Variants in MFN1 observed in about 807,000 individuals in gnomAD.
The protein encoded by MFN1 is mitofusin 1.
In MFN1, 65 loss-of-function variants were observed where a neutral mutation model predicts 92.4. The ratio of observed to expected loss-of-function variants is 0.70; its 90% CI spans 0.58 to 0.86. MFN1 has a LOEUF of 0.86. MFN1 is among the 40% of genes least tolerant of loss of function. The pLI, the probability that MFN1 is intolerant of heterozygous loss-of-function variation, is 0.00. For missense variants in MFN1, 781 were observed against 868.0 expected, an observed-to-expected ratio of 0.90 and a Z score of 1.26; for synonymous variants, 297 against 300.9, an observed-to-expected ratio of 0.99 and a Z score of 0.13.
chr3:179,374,923 AT>A (rs1371117281), intron 9 of MFN1, among the ~76,000 whole-genome samples: 1 of 152,192 alleles, frequency 6.6e-6, no homozygotes, highest in Non-Finnish European at 1.5e-5. Context: ...TAATGAGGAA[AT>A]TTTTTAACAT....
At chr3:179,369,162 GT>G (rs1040810023) in intron 9 of MFN1, among the ~76,000 whole-genome samples, 1 of 151,792 alleles carries the variant, frequency 6.6e-6, no homozygotes. Context: ...ACTATTGTTT[GT>G]TTTTTTTCTT....
intron 3 of MFN1, among the ~76,000 whole-genome samples, chr3:179,357,209 G>A (rs1712379073): frequency 6.6e-6 from 1 of 152,094 alleles, no homozygotes; most frequent in South Asian, 2.1e-4. Context: ...AAAGAATGGG[G>A]GTGCAAATGG....
chr3:179,375,604 T>C (rs1713209525), intron 10 of MFN1, among the ~76,000 whole-genome samples: 1 of 152,258 alleles, frequency 6.6e-6, no homozygotes, highest in African/African-American at 2.4e-5. Context: ...TTTGTGGCTT[T>C]AAAATATCTT....
chr3:179,364,983 C>T (rs750099480), intron 6 of MFN1, 135 bp from the exon 7 acceptor site: 4 of 461,628 alleles, frequency 8.7e-6, no homozygotes, highest in Admixed American at 4.1e-5. Context: ...GTTTAATGCT[C>T]ATAGAGTGCT....
chr3:179,348,249 T>G (rs533883419), intron 1 of MFN1: 1 of 152,342 alleles, frequency 6.6e-6, no homozygotes, highest in African/African-American at 2.4e-5. Context: ...TTCCTTTCCA[T>G]GTACACACCA....
intron 2 of MFN1, among the ~76,000 whole-genome samples, chr3:179,350,077 T>C (rs1214536376): frequency 2.0e-5 from 3 of 151,614 alleles, no homozygotes; most frequent in Admixed American, 1.3e-4. Context: ...CGCTTGAACC[T>C]GGGAGGCAGA....
chr3:179,388,697 A>C (rs185017454), intron 16 of MFN1, among the ~76,000 whole-genome samples: 1 of 152,374 alleles, frequency 6.6e-6, no homozygotes, highest in East Asian at 1.9e-4. Context: ...CATGAAGGAT[A>C]GTAGATCAAT....
chr3:179,358,154 T>TG lies in MFN1; in HGVS notation c.249-686_249-685insG, dbSNP rs892432936. On this transcript the variant is annotated intron_variant, in intron 3 of 17. Transcript: ENST00000471841. ...TCACCCAGTGTCACTCATTTTGTTTTTTTTTTTTTTTTTTGAGACTCAGTC... is the reference window on the plus strand; with the variant it reads ...TCACCCAGTGTCACTCATTTTGTTTTGTTTTTTTTTTTTTTGAGACTCAGTC... Among the ~76,000 whole-genome samples, 20 of 145,364 alleles carry TG rather than the reference T, an allele frequency of 1.4e-4. No homozygotes were observed. The East Asian group carries it at 1.6e-3, about 11-fold the overall frequency.
chr3:179,365,964 G>T (rs1038032229), intron 7 of MFN1, among the ~76,000 whole-genome samples: 3 of 152,178 alleles, frequency 2.0e-5, no homozygotes, highest in Non-Finnish European at 4.4e-5. Context: ...GAATGCTACT[G>T]TGCATATGCT....
chr3:179,361,739 G>A (rs1049375598), intron 4 of MFN1, among the ~76,000 whole-genome samples: 1 of 152,042 alleles, frequency 6.6e-6, no homozygotes, highest in Admixed American at 6.6e-5. Context: ...GTTTCATGAT[G>A]TTGTCCAGGC....
chr3:179,353,208 C>T (rs766376939), intron 3 of MFN1, among the ~76,000 whole-genome samples: 49 of 150,672 alleles, frequency 3.3e-4, no homozygotes, highest in Non-Finnish European at 6.3e-4. Flanking sequence ...CGTGTGCTGC[C>T]ACACCTGGCT....
intron 14 of MFN1, among the ~76,000 whole-genome samples, chr3:179,381,676 A>G (rs1713472303): frequency 6.7e-6 from 1 of 148,498 alleles, no homozygotes; most frequent in Non-Finnish European, 1.5e-5. Flanking sequence ...TGACATAGCA[A>G]CACCTGTGTT....
intron 3 of MFN1, among the ~76,000 whole-genome samples, chr3:179,353,815 G>T (rs1577001034): frequency 6.6e-6 from 1 of 152,124 alleles, no homozygotes; most frequent in Non-Finnish European, 1.5e-5. Flanking sequence ...CCCATCGTAG[G>T]GCTTTTGCCC....
At chr3:179,375,715 T>G (rs1713212869) in intron 10 of MFN1, among the ~76,000 whole-genome samples, 1 of 152,236 alleles carries the variant, frequency 6.6e-6, no homozygotes, top group South Asian at 2.1e-4. Context: ...TTTTTTAATA[T>G]GGTCATACAT....
intron 3 of MFN1, among the ~76,000 whole-genome samples, chr3:179,353,800 A>G (rs1224549106): frequency 1.3e-5 from 2 of 152,180 alleles, no homozygotes. Context: ...CTTCTAAGCT[A>G]TTTTCCCATC....
intron 15 of MFN1, 46 bp downstream of exon 15, chr3:179,385,767 A>G: frequency 6.4e-7 from 1 of 1,568,566 alleles, no homozygotes; most frequent in South Asian, 1.1e-5. Context: ...AATGTTTGCA[A>G]GGCTGCCTGT....
In MFN1 at chr3:179,385,572, C is replaced by G; in HGVS notation, c.1666C>G (p.Pro556Ala). Reference sequence around the variant, plus strand: ...CCTTTCTCTTTTTTTTTGGCAGCTCCCTAGATCTTTAGCTTCTACTCCCAC... The same window carrying G: ...CCTTTCTCTTTTTTTTTGGCAGCTCGCTAGATCTTTAGCTTCTACTCCCAC... ...LGLSEPIFQL[P>A]RSLASTPTAP... The change falls in exon 15 of 18, where the codon CCT (proline) becomes GCT (alanine). Residue 556 changes from proline (P) to alanine (A), a missense_variant. Coordinates refer to ENST00000471841, the MANE Select transcript of MFN1 (RefSeq NM_033540.3). 2 of 1,592,954 alleles carry G rather than the reference C, an allele frequency of 1.3e-6. No homozygotes were observed. The highest frequency in any genetic ancestry group is 1.7e-6 in the Non-Finnish European group (2 of 1,174,456).
intron 9 of MFN1, among the ~76,000 whole-genome samples, chr3:179,370,874 C>T (rs1459532540): frequency 6.6e-6 from 1 of 152,152 alleles, no homozygotes; most frequent in Non-Finnish European, 1.5e-5. Flanking sequence ...ATCCTTTTGG[C>T]ATTTCCTTAT....
chr3:179,387,875 C>T (rs1244253633), intron 16 of MFN1, among the ~76,000 whole-genome samples: 4 of 151,818 alleles, frequency 2.6e-5, no homozygotes, highest in East Asian at 2.0e-4. Flanking sequence ...ACTACAGGTG[C>T]ATGCCACTAC....
Sources: allele counts gnomAD v4.1 joint callset (sites outside exome capture counted in the v4.1 genomes callset), GRCh38; gene constraint gnomAD v4.1.1; transcripts MANE v1.5; gene names NCBI Gene and HGNC (gene_info 2026-07-23, HGNC 2026-07-21).